The following SPRING1 variants were observed in gnomAD, a reference collection of about 807,000 sequenced individuals.
SPRING1 encodes the protein SREBF pathway regulator in golgi 1.
In SPRING1, 14 loss-of-function variants were observed where a neutral mutation model predicts 24.7. The observed-to-expected ratio is 0.57, with a 90% confidence interval of 0.37 to 0.88. SPRING1 has a LOEUF of 0.88. SPRING1 is among the 40% of genes least tolerant of loss of function. The pLI is 0.00. For synonymous variants in SPRING1, 93 were observed against 106.1 expected, an observed-to-expected ratio of 0.88 and a Z score of 0.76; for missense variants, 255 against 268.4, an observed-to-expected ratio of 0.95 and a Z score of 0.35.
At position 116,720,421 on chromosome 12, in the gene SPRING1, G is replaced by A. The variant is rs141835393; in HGVS notation, c.295C>T (p.Leu99=). ...LGYVCERKDL[L]VNGCCNVNVP... ...TTGACATTACAGCAGCCATTTACCA[G>A]CAAATCCTTCCTCTCGCAAACGTAG... is the stretch of plus-strand genomic sequence containing the variant. The change falls in exon 3 of 5, where the codon CTG becomes TTG. Residue 99 remains leucine (L), a synonymous_variant. Coordinates refer to ENST00000261318, the MANE Select transcript of SPRING1 (RefSeq NM_024738.4). This position sits in a 1 kb window ranked among gnomAD's most constrained non-coding sequence, Gnocchi z 4.0. The A allele has an allele frequency of 3.6e-4, 582 of 1,614,026 alleles. No individual in the cohort carries two copies. Among genetic ancestry groups the A allele is most frequent in the Non-Finnish European group, 4.6e-4 (544 of 1,180,028 alleles).
rs373390806 is a variant in SPRING1 at position 116,717,930 on chromosome 12, G to A, written c.535-37C>T. On this transcript the variant is annotated intron_variant, in intron 4 of 4. Transcript: ENST00000261318. The surrounding 1 kb of genome is among the most constrained non-coding windows in gnomAD (Gnocchi z 4.2). The stretch of plus-strand genomic sequence containing the variant: ...AGGAAAATAAGAGCGCAGTGAGAGC[G>A]AGCACAGCTTCACACACCTCCCTCT... 1,167 of 1,500,814 alleles carry A rather than the reference G, an allele frequency of 7.8e-4. 2 individuals carry two copies. The highest frequency in any genetic ancestry group is 1.0e-3 in the Non-Finnish European group (1,123 of 1,102,804). 93.0% of individuals were successfully genotyped at this position (1,500,814 alleles called of 1,614,324 possible). A position where few individuals can be genotyped will look rare whatever the true frequency, so the allele number is the denominator to read the frequency against.
chr12:116,726,910 T>C (rs1478464673), intron 1 of SPRING1, among the ~76,000 whole-genome samples: 1 of 152,220 alleles, frequency 6.6e-6, no homozygotes, highest in Non-Finnish European at 1.5e-5. Flanking sequence ...ACATTCCTGG[T>C]AAACAGGAAA....
chr12:116,720,547 T>G lies in SPRING1; in HGVS notation c.269-100A>C. The G allele has an allele frequency of 6.8e-7, 1 of 1,473,854 alleles. No homozygotes were observed. Among genetic ancestry groups the G allele is most frequent in the Non-Finnish European group, 9.3e-7 (1 of 1,080,212 alleles). The allele number at this position is 1,473,854 out of a possible 1,614,324, so 91.3% of individuals were successfully genotyped here. On this transcript the variant is annotated intron_variant, in intron 2 of 4. Transcript: ENST00000261318. This position sits in a 1 kb window ranked among gnomAD's most constrained non-coding sequence, Gnocchi z 4.0. ...GCAGTGAAAGTACACAGACAGAAGC[T>G]GGAGTCTGGGGCATCATCCTAAGCA... is the stretch of plus-strand genomic sequence containing the variant.
At chr12:116,724,871 C>T (rs988911283) in intron 1 of SPRING1, among the ~76,000 whole-genome samples, 2 of 152,144 alleles carry the variant, frequency 1.3e-5, no homozygotes, top group African/African-American at 4.8e-5. Context: ...TTCCTAAGCC[C>T]ACCTATGGGC....
In SPRING1 at chr12:116,715,431, G is replaced by A. The variant is rs546307943; in HGVS notation, c.*2379C>T. 2.6e-5 allele frequency: 4 copies of A among 152,292 alleles called. No homozygotes were observed. The South Asian group carries it at 8.3e-4, about 32-fold the overall frequency. 9.4% of individuals were successfully genotyped at this position (152,292 alleles called of 1,614,324 possible). Reference sequence around the variant, plus strand: ...TCCTAGGTTGGGAGCTGGGAGCCTGGAGCACGTGCCAGGTGCTCTGCAGCC... The same window carrying A: ...TCCTAGGTTGGGAGCTGGGAGCCTGAAGCACGTGCCAGGTGCTCTGCAGCC... On this transcript the variant is annotated 3_prime_UTR_variant, in exon 5 of 5. Coordinates refer to ENST00000261318, the MANE Select transcript of SPRING1 (RefSeq NM_024738.4).
chr12:116,714,303 C>T lies in SPRING1; in HGVS notation c.*3507G>A, dbSNP rs1381319857. On this transcript the variant is annotated 3_prime_UTR_variant, in exon 5 of 5. Transcript: ENST00000261318. ...CCTCCCTGTGTTTACAACTTATCTG[C>T]TGATCCCAAGGATGGGAAAAGCTGC... 6 of 152,250 alleles carry T rather than the reference C, an allele frequency of 3.9e-5. No individual in the cohort carries two copies. The highest frequency in any genetic ancestry group is 1.2e-4 in the African/African-American group (5 of 41,464). 9.4% of individuals were successfully genotyped at this position (152,250 alleles called of 1,614,324 possible). A position where few individuals can be genotyped will look rare whatever the true frequency, so the allele number is the denominator to read the frequency against.
intron 1 of SPRING1, among the ~76,000 whole-genome samples, chr12:116,732,528 C>A (rs1871025322): frequency 6.6e-6 from 1 of 152,016 alleles, no homozygotes; most frequent in Non-Finnish European, 1.5e-5. Flanking sequence ...GCCAACATGG[C>A]GAAACCCCGT....
intron 1 of SPRING1, among the ~76,000 whole-genome samples, chr12:116,729,636 G>A (rs941666871): frequency 1.3e-5 from 2 of 152,108 alleles, no homozygotes; most frequent in Admixed American, 6.5e-5. Flanking sequence ...AATATTATTC[G>A]GACATAAAAA....
intron 1 of SPRING1, 47 bp downstream of exon 1, chr12:116,737,743 G>T: frequency 6.8e-7 from 1 of 1,463,140 alleles, no homozygotes; most frequent in Non-Finnish European, 9.1e-7. Context: ...TAAGGGGGAG[G>T]AAGGAAGGAA....
rs904984197 is a variant in SPRING1, at chr12:116,720,322, C to A, written c.394G>T (p.Val132Phe). The change falls in exon 3 of 5, where the codon GTC (valine) becomes TTC (phenylalanine). Residue 132 changes from valine to phenylalanine, a missense_variant. Coordinates refer to ENST00000261318, the MANE Select transcript of SPRING1 (RefSeq NM_024738.4). The surrounding 1 kb of genome is among the most constrained non-coding windows in gnomAD (Gnocchi z 4.0). The part of the protein sequence containing the change: ...NGCCSAYEYC[V>F]SCCLQPNKQL... ...TTGTTGGGCTGCAGGCAGCAGGAGA[C>A]ACAGTACTCATAGGCGCTGCAGCAG... 3 of 1,613,642 alleles carry A rather than the reference C, an allele frequency of 1.9e-6. No individual in the cohort carries two copies. In the Admixed American group the frequency reaches 5.0e-5, roughly 27 times the overall value.
chr12:116,732,574 G>A (rs1189555140), intron 1 of SPRING1, among the ~76,000 whole-genome samples: 1 of 152,204 alleles, frequency 6.6e-6, no homozygotes. Context: ...AGGCATGGTG[G>A]TGCACGCCTG....
rs532464666 is a variant in SPRING1 at position 116,714,227 on chromosome 12, G to A, written c.*3583C>T. ...GTAAGTGGTAGTTCCCAACTCTAGA[G>A]TCCCAAAAGAATTCTGTCCTACTTA... On this transcript the variant is annotated 3_prime_UTR_variant, in exon 5 of 5. Transcript: ENST00000261318. 19 of 152,324 alleles carry A rather than the reference G, an allele frequency of 1.2e-4. No homozygotes were observed. Among genetic ancestry groups the A allele is most frequent in the African/African-American group, 4.3e-4 (18 of 41,564 alleles). 9.4% of individuals were successfully genotyped at this position (152,324 alleles called of 1,614,324 possible).
At chr12:116,732,670 G>A (rs1871034826) in intron 1 of SPRING1, among the ~76,000 whole-genome samples, 1 of 152,182 alleles carries the variant, frequency 6.6e-6, no homozygotes, top group Non-Finnish European at 1.5e-5. Flanking sequence ...TTGCATCACT[G>A]CACTCCAGCC....
chr12:116,730,361 A>T (rs1308952801), intron 1 of SPRING1, among the ~76,000 whole-genome samples: 1 of 151,080 alleles, frequency 6.6e-6, no homozygotes, highest in Non-Finnish European at 1.5e-5. Flanking sequence ...CTGCCACCAC[A>T]CCCAGCTAAT....
intron 1 of SPRING1, among the ~76,000 whole-genome samples, chr12:116,724,131 C>T (rs902069173): frequency 2.6e-5 from 4 of 152,170 alleles, no homozygotes; most frequent in Non-Finnish European, 4.4e-5. Context: ...ACTGTTCTAA[C>T]GGAGTTCTGT....
rs17500801 is a variant in SPRING1 at position 116,716,468 on chromosome 12, T to C, written c.*1342A>G. On this transcript the variant is annotated 3_prime_UTR_variant, in exon 5 of 5. Coordinates refer to ENST00000261318, the MANE Select transcript of SPRING1 (RefSeq NM_024738.4). ...TCAATCCTGAGGTTCGTGAGGAATA[T>C]AGGAGAGTTGTGTGTTCACGTGACT... is the stretch of plus-strand genomic sequence containing the variant. 4,949 of 152,748 alleles carry C rather than the reference T, an allele frequency of 0.032. 96 individuals carry two copies. Among genetic ancestry groups the C allele is most frequent in the Non-Finnish European group, 0.043 (2,949 of 68,026 alleles). 9.5% of individuals were successfully genotyped at this position (152,748 alleles called of 1,614,324 possible).
In SPRING1 at chr12:116,720,344, G is replaced by A. The variant is rs763084366; in HGVS notation, c.372C>T (p.Cys124=). ...AGACACAGTACTCATAGGCGCTGCA[G>A]CAGCCGTTGGGCCAGCAGCCATCAC... is the stretch of plus-strand genomic sequence containing the variant. ...YCCDGCWPNG[C]CSAYEYCVSC... is the part of the protein sequence containing the mutation. Residue 124 remains cysteine (C), a synonymous_variant, in exon 3 of 5, where the codon TGC becomes TGT. Coordinates refer to ENST00000261318, the MANE Select transcript of SPRING1 (RefSeq NM_024738.4). The surrounding 1 kb of genome is among the most constrained non-coding windows in gnomAD (Gnocchi z 4.0). The A allele has an allele frequency of 1.2e-6, 2 of 1,614,196 alleles. No individual in the cohort carries two copies. The highest frequency in any genetic ancestry group is 3.3e-5 in the Admixed American group (2 of 60,018).
chr12:116,729,986 C>T (rs566246814), intron 1 of SPRING1, among the ~76,000 whole-genome samples: 4 of 152,238 alleles, frequency 2.6e-5, no homozygotes, highest in South Asian at 2.1e-4. Flanking sequence ...CTGCAAGCTC[C>T]GCCTCCAAGG....
rs765929401 is a variant in SPRING1 at position 116,723,108 on chromosome 12, C to T, written c.227G>A (p.Arg76His). Residue 76 changes from arginine (R) to histidine (H), a missense_variant, in exon 2 of 5, where the codon CGC becomes CAC. Transcript: ENST00000261318. ...GAGGTGCTTCCCTTGAATGGAGTTG[C>T]GGCACTGATTGCTCGGACGACTGCT... Reference protein sequence around the residue: ...GNSSRPSNQCRNSIQGKHLIT... With the variant: ...GNSSRPSNQCHNSIQGKHLIT... 1.5e-5 allele frequency: 24 copies of T among 1,612,616 alleles called. No individual in the cohort carries two copies. Among genetic ancestry groups the T allele is most frequent in the East Asian group, 2.2e-5 (1 of 44,902 alleles).
Sources: allele counts gnomAD v4.1 joint callset (sites outside exome capture counted in the v4.1 genomes callset), GRCh38; gene constraint gnomAD v4.1.1; non-coding constraint Gnocchi (gnomAD v3.1); transcripts MANE v1.5; gene names NCBI Gene and HGNC (gene_info 2026-07-23, HGNC 2026-07-21).